GRHL2: variants seen among roughly 807,000 people sequenced by gnomAD.
The protein encoded by GRHL2 is grainyhead-like protein 2 homolog.
In GRHL2, 21 loss-of-function variants were observed where a neutral mutation model predicts 83.8. The ratio of observed to expected loss-of-function variants is 0.25; its 90% confidence interval spans 0.18 to 0.36. The LOEUF is 0.36. Among genes scored for constraint, GRHL2 ranks in the 10% least tolerant of loss-of-function variants. The pLI, the probability that GRHL2 is intolerant of heterozygous loss-of-function variation, is 1.00. For missense variants in GRHL2, 623 were observed against 781.8 expected (o/e 0.80, Z 2.42); for synonymous variants, 280 against 278.9 (o/e 1.00, Z -0.04).
At chr8:101,557,921 A>G (rs1013559181) in intron 3 of GRHL2, among the ~76,000 whole-genome samples, 1 of 151,972 alleles carries the variant, frequency 6.6e-6, no homozygotes, top group Non-Finnish European at 1.5e-5. Flanking sequence ...CTGGAGTGCA[A>G]TGGCGCCATC....
At chr8:101,550,177 T>C (rs1344218934) in intron 2 of GRHL2, among the ~76,000 whole-genome samples, 1 of 51,486 alleles carries the variant, frequency 1.9e-5, no homozygotes, top group African/African-American at 1.1e-4. Flanking sequence ...CATATGCAGG[T>C]CTTTTTTTTT....
chr8:101,500,011 G>A (rs1810190766), intron 1 of GRHL2, among the ~76,000 whole-genome samples: 1 of 152,102 alleles, frequency 6.6e-6, no homozygotes, highest in African/African-American at 2.4e-5. Flanking sequence ...AGGAGGTGGA[G>A]GTTGCAGTGA....
rs1337356030 is a variant in GRHL2 at position 101,570,358 on chromosome 8, T to C, written c.698T>C (p.Val233Ala). 3 of 1,614,072 alleles carry C rather than the reference T, an allele frequency of 1.9e-6. No individual in the cohort carries two copies. The highest frequency in any genetic ancestry group is 1.7e-6 in the Non-Finnish European group (2 of 1,179,926). Reference sequence around the variant, plus strand: ...TTGCAGAAATTTCGGAGTGCTTCAGTTGGGGCTGAGGAGTACATGTATGAT... The same window carrying C: ...TTGCAGAAATTTCGGAGTGCTTCAGCTGGGGCTGAGGAGTACATGTATGAT... ...AATEKFRSASVGAEEYMYDQT... is the reference protein window; with the variant it reads ...AATEKFRSASAGAEEYMYDQT... Residue 233 changes from valine to alanine, a missense_variant, in exon 5 of 16, where the codon GTT (valine) becomes GCT (alanine). Val to Ala is a moderately conservative substitution (Grantham distance 64). Coordinates refer to ENST00000646743, the MANE Select transcript of GRHL2 (RefSeq NM_024915.4).
intron 7 of GRHL2, among the ~76,000 whole-genome samples, chr8:101,578,418 C>T (rs6985286): frequency 0.035 from 5,299 of 152,196 alleles, 298 homozygotes; most frequent in African/African-American, 0.12. Context: ...GCCAGTGCCT[C>T]CCATCGGCAG....
chr8:101,631,230 T>G (rs1254074907), intron 9 of GRHL2, among the ~76,000 whole-genome samples: 5 of 152,204 alleles, frequency 3.3e-5, no homozygotes, highest in African/African-American at 1.2e-4. Context: ...ATTCACACTT[T>G]AAAGCCCTCT....
At chr8:101,567,174 A>G (rs1324856192) in intron 4 of GRHL2, among the ~76,000 whole-genome samples, 1 of 152,178 alleles carries the variant, frequency 6.6e-6, no homozygotes, top group East Asian at 1.9e-4. Flanking sequence ...AATATTTGAG[A>G]TTTAAATATG....
At chr8:101,509,259 G>A (rs1810417289) in intron 1 of GRHL2, among the ~76,000 whole-genome samples, 1 of 130,114 alleles carries the variant, frequency 7.7e-6, no homozygotes, top group Non-Finnish European at 1.6e-5. Flanking sequence ...TGGCCTATTA[G>A]TGGTTAAGAA....
At chr8:101,655,136 T>C (rs1215971924) in intron 14 of GRHL2, among the ~76,000 whole-genome samples, 2 of 151,262 alleles carry the variant, frequency 1.3e-5, no homozygotes, top group Non-Finnish European at 2.9e-5. Context: ...GAGCCAAGAT[T>C]GCGCCATTGC....
chr8:101,492,789 A>G lies in GRHL2; in HGVS notation c.20A>G (p.Asn7Ser). Residue 7 changes from asparagine to serine, a missense_variant and splice_region_variant, in exon 1 of 16, where the codon AAT becomes AGT. Coordinates refer to ENST00000646743, the MANE Select transcript of GRHL2 (RefSeq NM_024915.4). ...TCAAACATGTCACAAGAGTCGGACA[A>G]GTAAGTGGATCACACGCGCCGGCTG... MSQESDNNKRLVALVPM... is the reference protein window; with the variant it reads MSQESDSNKRLVALVPM... The G allele has an allele frequency of 6.2e-7, 1 of 1,614,022 alleles. No homozygotes were observed.
At chr8:101,609,299 A>T (rs2507794) in intron 8 of GRHL2, among the ~76,000 whole-genome samples, 67,786 of 149,844 alleles carry the variant, frequency 0.45, 17,871 homozygotes, top group Non-Finnish European at 0.57. Flanking sequence ...TGTGGTCCTC[A>T]ACAAGCAGCA....
rs560426530 is a variant in GRHL2, at chr8:101,554,485, T to C, written c.284+1703T>C. On this transcript the variant is annotated intron_variant, in intron 3 of 15. Transcript: ENST00000646743. ...ATTACAAAGCAACAGCTGCTCATTG[T>C]ATTTTAATGGTTACTTTTGTGATTT... Among the ~76,000 whole-genome samples the C allele has an allele frequency of 3.3e-5, 5 of 152,324 alleles. No individual in the cohort carries two copies. The East Asian group carries it at 9.6e-4, about 29-fold the overall frequency.
Position 101,592,100 on chromosome 8 carries a change from C to CTTTTTTTTTTTTTTTTTTT in GRHL2, c.1004-6953_1004-6935dup, listed in dbSNP as rs11382067. ...GTACAGCACTTTCTTTCTTTCTTTT[C>CTTTTTTTTTTTTTTTTTTT]TTTTTTTTTTTTTTTTTTTTTTGAG... On this transcript the variant is annotated intron_variant, in intron 7 of 15. Transcript: ENST00000646743. Among the ~76,000 whole-genome samples, 33 of 90,302 alleles carry CTTTTTTTTTTTTTTTTTTT rather than the reference C, an allele frequency of 3.7e-4. 1 individual carries two copies. The highest frequency in any genetic ancestry group is 5.0e-4 in the African/African-American group (11 of 21,904). The allele number at this position is 90,302 out of a possible 152,430, so 59.2% of individuals were successfully genotyped here. A position where few individuals can be genotyped will look rare whatever the true frequency, so the allele number is the denominator to read the frequency against.
chr8:101,494,139 G>A (rs1415459759), intron 1 of GRHL2, among the ~76,000 whole-genome samples: 1 of 152,140 alleles, frequency 6.6e-6, no homozygotes, highest in African/African-American at 2.4e-5. Flanking sequence ...TGTCTCGCCG[G>A]AGAGGGCCGG....
chr8:101,567,469 A>G (rs1024070662), intron 4 of GRHL2, among the ~76,000 whole-genome samples: 2 of 152,238 alleles, frequency 1.3e-5, no homozygotes, highest in Non-Finnish European at 2.9e-5. Flanking sequence ...TAACCCATCA[A>G]TGTAATCAGG....
chr8:101,548,054 G>C (rs1811300815), intron 2 of GRHL2, among the ~76,000 whole-genome samples: 1 of 152,180 alleles, frequency 6.6e-6, no homozygotes, highest in African/African-American at 2.4e-5. Context: ...GTGAAAAATA[G>C]GCTTCCCTGG....
chr8:101,652,451 TG>T (rs1813670369), intron 14 of GRHL2, among the ~76,000 whole-genome samples: 1 of 79,298 alleles, frequency 1.3e-5, no homozygotes, highest in Non-Finnish European at 2.5e-5. Context: ...GTGTGTGGTG[TG>T]TGTCTGGTGT....
the GRHL2 span, among the ~76,000 whole-genome samples, chr8:101,678,801 C>A: frequency 2.6e-5 from 4 of 151,992 alleles, no homozygotes; most frequent in Non-Finnish European, 4.4e-5. Flanking sequence ...GGAGGCACCC[C>A]CCAGCAGGGG....
In GRHL2 at chr8:101,505,335, A is replaced by C. The variant is rs184356663; in HGVS notation, c.20+12546A>C. Among the ~76,000 whole-genome samples the C allele has an allele frequency of 6.4e-4, 98 of 152,172 alleles. 1 individual carries two copies. The highest frequency in any genetic ancestry group is 2.3e-3 in the African/African-American group (96 of 41,534). On this transcript the variant is annotated intron_variant, in intron 1 of 15. Coordinates refer to ENST00000646743, the MANE Select transcript of GRHL2 (RefSeq NM_024915.4). ...GCTCATGCCTATAATCCCAGCACTT[A>C]GGGAGGCCGAGGCGGGTGGATCACC... is the stretch of plus-strand genomic sequence containing the variant.
intron 2 of GRHL2, among the ~76,000 whole-genome samples, chr8:101,549,080 A>G: frequency 6.6e-6 from 1 of 152,020 alleles, no homozygotes; most frequent in East Asian, 1.9e-4. Context: ...GGACACAGAA[A>G]ATTAGATGGG....
Sources: gnomAD v4.1 joint callset for allele counts (sites outside exome capture counted in the v4.1 genomes callset) on GRCh38, gnomAD v4.1.1 for gene constraint, MANE v1.5 for transcripts, NCBI Gene and HGNC (gene_info 2026-07-23, HGNC 2026-07-21) for gene names.